IMMP2L: variants seen among roughly 807,000 people sequenced by gnomAD.
The protein encoded by IMMP2L is inner mitochondrial membrane peptidase subunit 2.
IMMP2L carries 18 observed loss-of-function variants against 19.3 expected under a neutral mutation model. That is an observed-to-expected ratio of 0.93 (90% CI 0.64 to 1.38). The LOEUF is 1.38. Ranked by LOEUF, IMMP2L falls within the 40% of genes most tolerant of loss-of-function variation. The pLI is 0.00. For missense variants in IMMP2L, 233 were observed against 218.2 expected (o/e 1.07, Z -0.43); for synonymous variants, 76 against 73.0 (o/e 1.04, Z -0.21).
intron 3 of IMMP2L, among the ~76,000 whole-genome samples, chr7:111,014,367 A>C (rs1016252366): frequency 2.0e-5 from 3 of 151,966 alleles, no homozygotes; most frequent in African/African-American, 7.3e-5. Context: ...AAGAAAAAAA[A>C]ATTGTGTGTG....
intron 3 of IMMP2L, among the ~76,000 whole-genome samples, chr7:110,977,958 A>T (rs1246605255): frequency 6.6e-6 from 1 of 152,050 alleles, no homozygotes; most frequent in Non-Finnish European, 1.5e-5. Context: ...TTTTGTGTGG[A>T]AAGTAAAGGA....
intron 1 of IMMP2L, among the ~76,000 whole-genome samples, chr7:111,528,393 C>G (rs993743077): frequency 2.6e-5 from 4 of 152,204 alleles, no homozygotes; most frequent in Non-Finnish European, 5.9e-5. Context: ...GTTCAAAACA[C>G]TGCTCCTGAG....
At chr7:111,208,061 C>T (rs1463081002) in intron 3 of IMMP2L, among the ~76,000 whole-genome samples, 1 of 152,088 alleles carries the variant, frequency 6.6e-6, no homozygotes, top group Non-Finnish European at 1.5e-5. Context: ...TTCCAGGATT[C>T]CACTTTTACT....
intron 3 of IMMP2L, among the ~76,000 whole-genome samples, chr7:110,966,303 T>C (rs929739357): frequency 6.6e-6 from 1 of 152,072 alleles, no homozygotes; most frequent in African/African-American, 2.4e-5. Flanking sequence ...AAAGCTTTCA[T>C]GCCCAGATTT....
intron 5 of IMMP2L, among the ~76,000 whole-genome samples, chr7:110,716,837 G>A (rs1373556897): frequency 1.3e-5 from 2 of 152,136 alleles, no homozygotes; most frequent in Non-Finnish European, 2.9e-5. Flanking sequence ...ATTAAATATG[G>A]ACTTCCTATA....
At chr7:110,791,350 C>T (rs1800445482) in intron 5 of IMMP2L, among the ~76,000 whole-genome samples, 2 of 151,586 alleles carry the variant, frequency 1.3e-5, no homozygotes, top group South Asian at 4.1e-4. Context: ...TCTACTCTTC[C>T]ATAAGCCAAT....
chr7:111,041,940 C>T (rs967020017), intron 3 of IMMP2L, among the ~76,000 whole-genome samples: 3 of 152,156 alleles, frequency 2.0e-5, no homozygotes, highest in Non-Finnish European at 4.4e-5. Flanking sequence ...TTCTGTAGCT[C>T]AGTTTCCTTA....
chr7:111,188,701 G>A (rs923409249), intron 3 of IMMP2L, among the ~76,000 whole-genome samples: 12 of 152,008 alleles, frequency 7.9e-5, no homozygotes, highest in Non-Finnish European at 1.5e-5. Context: ...CTAGTGAGTG[G>A]GTAGCTAGTA....
chr7:110,895,949 T>C (rs1030596918), intron 4 of IMMP2L, among the ~76,000 whole-genome samples: 24 of 152,208 alleles, frequency 1.6e-4, no homozygotes, highest in Admixed American at 1.5e-3. Flanking sequence ...ACAATCATGT[T>C]TTGCTGGGAC....
chr7:110,916,822 ATAT>A (rs1400739556), intron 4 of IMMP2L, among the ~76,000 whole-genome samples: 1 of 152,214 alleles, frequency 6.6e-6, no homozygotes, highest in Non-Finnish European at 1.5e-5. Context: ...TATATTTGAA[ATAT>A]TATAGTTGGT....
chr7:111,517,285 C>G (rs191564580), intron 2 of IMMP2L, among the ~76,000 whole-genome samples: 74 of 151,974 alleles, frequency 4.9e-4, no homozygotes, highest in African/African-American at 1.8e-3. Context: ...CTGCATTTTC[C>G]TTCATATTCT....
At chr7:111,450,371 C>T (rs1354145944) in intron 3 of IMMP2L, among the ~76,000 whole-genome samples, 4 of 151,974 alleles carry the variant, frequency 2.6e-5, no homozygotes, top group South Asian at 4.2e-4. Flanking sequence ...AGATATAGAT[C>T]AATGGAACAG....
chr7:110,863,201 T>C (rs1440658837), intron 5 of IMMP2L, among the ~76,000 whole-genome samples: 1 of 152,122 alleles, frequency 6.6e-6, no homozygotes, highest in Non-Finnish European at 1.5e-5. Context: ...CAGGGGTTTA[T>C]AATAACACCA....
intron 3 of IMMP2L, among the ~76,000 whole-genome samples, chr7:111,003,246 T>A (rs1326132885): frequency 1.3e-5 from 2 of 152,176 alleles, no homozygotes; most frequent in African/African-American, 2.4e-5. Context: ...AGATAATATT[T>A]ACCGATATTC....
chr7:110,813,546 G>C (rs1409163184), intron 5 of IMMP2L, among the ~76,000 whole-genome samples: 1 of 151,412 alleles, frequency 6.6e-6, no homozygotes, highest in Non-Finnish European at 1.5e-5. Flanking sequence ...TCCCACTTCA[G>C]ACTCCTGAGT....
Position 111,485,324 on chromosome 7 carries a change from G to A in IMMP2L, c.239+1914C>T, listed in dbSNP as rs565491005. ...TCATTAAAAACACAGTTCAGGCCGG[G>A]CGCAGTGGCTCACGCCTGTAATCCC... On this transcript the variant is annotated intron_variant, in intron 3 of 5. Transcript: ENST00000405709. Among the ~76,000 whole-genome samples, 4 of 152,076 alleles carry A rather than the reference G, an allele frequency of 2.6e-5. No homozygotes were observed. In the South Asian group the frequency reaches 8.3e-4, roughly 32 times the overall value.
At chr7:110,920,786 T>C (rs1814189530) in intron 4 of IMMP2L, among the ~76,000 whole-genome samples, 1 of 152,174 alleles carries the variant, frequency 6.6e-6, no homozygotes, top group Non-Finnish European at 1.5e-5. Flanking sequence ...TTTTAAAACA[T>C]TTTGAGATAA....
At chr7:110,792,888 C>T (rs1039902454) in intron 5 of IMMP2L, among the ~76,000 whole-genome samples, 2 of 151,994 alleles carry the variant, frequency 1.3e-5, no homozygotes, top group Non-Finnish European at 2.9e-5. Context: ...ACAATGAAAT[C>T]TTATTCAGCC....
intron 1 of IMMP2L, among the ~76,000 whole-genome samples, chr7:111,543,198 A>G (rs1233805523): frequency 6.6e-6 from 1 of 152,216 alleles, no homozygotes; most frequent in African/African-American, 2.4e-5. Context: ...ATACAGAATA[A>G]AGTCAACCAC....
Sources: gnomAD v4.1 joint callset for allele counts (sites outside exome capture counted in the v4.1 genomes callset) on GRCh38, gnomAD v4.1.1 for gene constraint, MANE v1.5 for transcripts, NCBI Gene and HGNC (gene_info 2026-07-23, HGNC 2026-07-21) for gene names.